The following POLN variants were observed in gnomAD, a reference collection of about 807,000 sequenced individuals.
POLN encodes DNA polymerase nu.
POLN carries 108 observed loss-of-function variants against 113.5 expected under a neutral mutation model. That is an observed-to-expected ratio of 0.95 (90% CI 0.81 to 1.12). The LOEUF is 1.12. POLN is among the 50% of genes most tolerant of loss of function. The pLI is 0.00. For synonymous variants in POLN, 386 were observed against 391.5 expected, an observed-to-expected ratio of 0.99 and a Z score of 0.17; for missense variants, 1,097 against 1,077.1, an observed-to-expected ratio of 1.02 and a Z score of -0.26.
intron 25 of POLN, 137 bp downstream of exon 25, chr4:2,072,831 C>G: frequency 1.1e-6 from 1 of 894,138 alleles, no homozygotes; most frequent in Non-Finnish European, 1.8e-6. Flanking sequence ...GGTCCAGCCT[C>G]CACGGCTGTG....
intron 19 of POLN, among the ~76,000 whole-genome samples, chr4:2,117,057 T>G (rs1731332782): frequency 6.6e-6 from 1 of 152,256 alleles, no homozygotes; most frequent in African/African-American, 2.4e-5. Flanking sequence ...TTCTTATTCA[T>G]GCAACATGTC....
intron 7 of POLN, among the ~76,000 whole-genome samples, chr4:2,183,871 C>A (rs531597665): frequency 2.3e-4 from 35 of 149,796 alleles, no homozygotes; most frequent in Non-Finnish European, 4.3e-4. Context: ...AAGCTATTTA[C>A]AAGGTGTTCT....
Position 2,072,141 on chromosome 4 carries a change from C to T in POLN, c.2676G>A (p.Leu892=), listed in dbSNP as rs1730159524. 3 of 1,612,796 alleles carry T rather than the reference C, an allele frequency of 1.9e-6. No individual in the cohort carries two copies. Among genetic ancestry groups the T allele is most frequent in the African/African-American group, 2.7e-5 (2 of 74,994 alleles). Residue 892 remains leucine (L), a synonymous_variant, in exon 26 of 26, where the codon CTG becomes CTA. Transcript: ENST00000511885. ...ACAGACAAAATGAAGGCGAAAAATG[C>T]AGGGGTGGGGGCTGGGTGCTGGCAG... The part of the protein sequence containing the change: ...GSPASTQPPP[L]HFSPSFCL
chr4:2,187,268 G>C (rs1733300456), intron 7 of POLN, among the ~76,000 whole-genome samples: 1 of 152,172 alleles, frequency 6.6e-6, no homozygotes, highest in Non-Finnish European at 1.5e-5. Context: ...TGTTTAGATG[G>C]AGTCTTGCTC....
At chr4:2,230,700 T>A (rs1402096286) in intron 2 of POLN, 1 of 151,906 alleles carries the variant, frequency 6.6e-6, no homozygotes, top group Non-Finnish European at 1.5e-5. Context: ...ACCCAAAACA[T>A]GTAGTTTTTA....
chr4:2,131,140 G>T, intron 17 of POLN, 93 bp downstream of exon 17: 2 of 877,000 alleles, frequency 2.3e-6, no homozygotes, highest in Non-Finnish European at 3.6e-6. Context: ...AGCTGTGATC[G>T]CACAAATGCA....
intron 19 of POLN, among the ~76,000 whole-genome samples, chr4:2,104,077 T>C (rs1433601982): frequency 6.6e-6 from 1 of 152,086 alleles, no homozygotes; most frequent in Non-Finnish European, 1.5e-5. Context: ...GTGAAAGTAA[T>C]CAAATAGCAC....
chr4:2,082,164 C>T (rs1489699634), intron 21 of POLN, among the ~76,000 whole-genome samples: 2 of 151,996 alleles, frequency 1.3e-5, no homozygotes, highest in Non-Finnish European at 2.9e-5. Flanking sequence ...CCAAGTTGGC[C>T]AGGCTGGTCT....
chr4:2,214,862 T>C (rs1021644872), intron 3 of POLN, among the ~76,000 whole-genome samples: 2 of 151,058 alleles, frequency 1.3e-5, no homozygotes, highest in African/African-American at 4.9e-5. Flanking sequence ...TGCTGTTTTA[T>C]ATATATACAC....
chr4:2,117,373 C>T (rs1349062111), intron 19 of POLN, among the ~76,000 whole-genome samples: 1 of 152,164 alleles, frequency 6.6e-6, no homozygotes, highest in Non-Finnish European at 1.5e-5. Flanking sequence ...TTTTTGATTA[C>T]AAATATTTGC....
chr4:2,192,305 A>G (rs1359020638), intron 7 of POLN, among the ~76,000 whole-genome samples: 1 of 152,026 alleles, frequency 6.6e-6, no homozygotes, highest in Non-Finnish European at 1.5e-5. Flanking sequence ...TAGATTCTAC[A>G]ATGAATATTT....
At chr4:2,239,040 C>T in intron 2 of POLN, 2 of 1,485,222 alleles carry the variant, frequency 1.3e-6, no homozygotes, top group South Asian at 1.4e-5. Flanking sequence ...TCTTTGTCCA[C>T]AGCCTATACA....
At chr4:2,113,902 A>G (rs974592210) in intron 19 of POLN, among the ~76,000 whole-genome samples, 9 of 141,102 alleles carry the variant, frequency 6.4e-5, no homozygotes, top group South Asian at 2.2e-4. Flanking sequence ...TAATAATAAT[A>G]ATGTCTTTTT....
intron 8 of POLN, among the ~76,000 whole-genome samples, chr4:2,177,900 C>T (rs561380979): frequency 1.3e-5 from 2 of 152,208 alleles, no homozygotes; most frequent in Non-Finnish European, 2.9e-5. Flanking sequence ...CTCAGTGCTG[C>T]CACCAAGCCT....
chr4:2,091,539 G>A (rs1047951896), intron 20 of POLN, among the ~76,000 whole-genome samples: 1 of 152,074 alleles, frequency 6.6e-6, no homozygotes, highest in Non-Finnish European at 1.5e-5. Context: ...ATGGCTTTTG[G>A]CTCTGTGGGG....
intron 7 of POLN, among the ~76,000 whole-genome samples, chr4:2,188,049 G>A (rs1733323501): frequency 6.6e-6 from 1 of 152,172 alleles, no homozygotes. Flanking sequence ...CCAGGAATTT[G>A]AGGTTACAGT....
At position 2,208,058 on chromosome 4, in the gene POLN, G is replaced by C; in HGVS notation, c.643C>G (p.Leu215Val). 6.2e-7 allele frequency: 1 copy of C among 1,614,176 alleles called. No homozygotes were observed. The stretch of plus-strand genomic sequence containing the variant: ...ATCACCAGGGCTGCTGCCTGTTTGA[G>C]CATTTCAATCAGCTGGCTTTTTGCC... ...DWAKSQLIEM[L>V]KQAAALVITV... is the part of the protein sequence containing the mutation. The change falls in exon 5 of 26, where the codon CTC becomes GTC. Residue 215 changes from leucine (L) to valine (V), a missense_variant. By Grantham distance (32) the Leu-to-Val change is conservative. Coordinates refer to ENST00000511885, the MANE Select transcript of POLN (RefSeq NM_181808.4).
intron 21 of POLN, among the ~76,000 whole-genome samples, chr4:2,083,637 C>A (rs914390107): frequency 1.3e-5 from 2 of 152,250 alleles, no homozygotes; most frequent in Admixed American, 6.5e-5. Flanking sequence ...GGCCCTGGCC[C>A]TTTGTGGTGA....
At position 2,213,984 on chromosome 4, in the gene POLN, C is replaced by T. The variant is rs141559401; in HGVS notation, c.134-858G>A. On this transcript the variant is annotated intron_variant, in intron 3 of 25. Transcript: ENST00000511885. ...GGCGTGGTGACTCACGCCTGTGATCCCAGCACTTTGGGAGGCTGAGGTGGG... is the reference window on the plus strand; with the variant it reads ...GGCGTGGTGACTCACGCCTGTGATCTCAGCACTTTGGGAGGCTGAGGTGGG... Among the ~76,000 whole-genome samples, 290 of 152,256 alleles carry T rather than the reference C, an allele frequency of 1.9e-3. 3 individuals carry two copies. Among genetic ancestry groups the T allele is most frequent in the South Asian group, 0.019 (91 of 4,826 alleles).
Sources: allele counts gnomAD v4.1 joint callset (sites outside exome capture counted in the v4.1 genomes callset), GRCh38; gene constraint gnomAD v4.1.1; transcripts MANE v1.5; gene names NCBI Gene and HGNC (gene_info 2026-07-23, HGNC 2026-07-21).